The following KIF6 variants were observed in gnomAD, a reference collection of about 807,000 sequenced individuals.
The protein encoded by KIF6 is kinesin family member 6, also known as kinesin-like protein KIF6.
KIF6 carries 106 observed loss-of-function variants against 112.7 expected under a neutral mutation model. That is an observed-to-expected ratio of 0.94 (90% CI 0.80 to 1.11). KIF6 has a LOEUF of 1.11. Ranked by LOEUF, KIF6 falls within the 50% of genes least tolerant of loss-of-function variation. The probability of loss-of-function intolerance (pLI) is 0.00; values close to 1 mark genes in which losing one functional copy is unlikely to be tolerated. For synonymous variants in KIF6, 339 were observed against 339.9 expected (o/e 1.00, Z 0.03); for missense variants, 929 against 964.0 (o/e 0.96, Z 0.48).
chr6:39,457,999 A>G (rs9462552), intron 13 of KIF6, among the ~76,000 whole-genome samples: 40,952 of 147,402 alleles, frequency 0.28, 7,059 homozygotes, highest in African/African-American at 0.48. Context: ...GAAAAAGAGG[A>G]AATCCTCCCT....
At chr6:39,714,596 T>C (rs568493640) in intron 3 of KIF6, 96 bp downstream of exon 3, 13 of 773,248 alleles carry the variant, frequency 1.7e-5, no homozygotes, top group African/African-American at 3.5e-5. Flanking sequence ...CCTAAGTATA[T>C]AATTGATACA....
At chr6:39,400,523 T>C (rs766462242) in intron 15 of KIF6, among the ~76,000 whole-genome samples, 24 of 152,258 alleles carry the variant, frequency 1.6e-4, no homozygotes, top group Middle Eastern at 3.4e-3. Flanking sequence ...TTGGTCAGCA[T>C]TGGGAGGCCA....
intron 15 of KIF6, among the ~76,000 whole-genome samples, chr6:39,412,563 T>A (rs1018872191): frequency 9.2e-5 from 14 of 152,252 alleles, no homozygotes; most frequent in African/African-American, 3.4e-4. Context: ...CTTCTGTATA[T>A]CATCAAGTAA....
chr6:39,695,617 C>G (rs931960862), intron 3 of KIF6, among the ~76,000 whole-genome samples: 1 of 152,094 alleles, frequency 6.6e-6, no homozygotes, highest in Non-Finnish European at 1.5e-5. Flanking sequence ...TCACACCAGT[C>G]AGAATTGCTA....
intron 6 of KIF6, among the ~76,000 whole-genome samples, chr6:39,609,752 GT>G (rs369790205): frequency 6.6e-6 from 1 of 151,848 alleles, no homozygotes; most frequent in African/African-American, 2.4e-5. Context: ...GACCTGCTTG[GT>G]TTTTTTTGCC....
chr6:39,601,500 T>C (rs1249875671), intron 6 of KIF6, among the ~76,000 whole-genome samples: 1 of 152,138 alleles, frequency 6.6e-6, no homozygotes, highest in African/African-American at 2.4e-5. Flanking sequence ...TGCAACTGTT[T>C]ATCAAAATCC....
At chr6:39,419,461 T>A (rs1770186665) in intron 15 of KIF6, among the ~76,000 whole-genome samples, 3 of 151,594 alleles carry the variant, frequency 2.0e-5, no homozygotes. Context: ...GAGCCCTCCG[T>A]GGCAGCCTCC....
intron 15 of KIF6, among the ~76,000 whole-genome samples, chr6:39,414,298 C>T (rs1769737339): frequency 6.6e-6 from 1 of 152,116 alleles, no homozygotes; most frequent in Non-Finnish European, 1.5e-5. Context: ...TACGTTTATG[C>T]TTTGAATTCT....
intron 6 of KIF6, among the ~76,000 whole-genome samples, chr6:39,609,485 G>T (rs115029956): frequency 0.2 from 29,872 of 151,998 alleles, 3,117 homozygotes; most frequent in Admixed American, 0.29. Flanking sequence ...TCCTACAGCT[G>T]CCAGTACACA....
chr6:39,681,074 C>T (rs1377946950), intron 3 of KIF6, among the ~76,000 whole-genome samples: 2 of 151,758 alleles, frequency 1.3e-5, no homozygotes, highest in African/African-American at 4.8e-5. Context: ...TAATTCAATG[C>T]TGAGAAGTTG....
intron 10 of KIF6, among the ~76,000 whole-genome samples, chr6:39,551,743 A>G (rs565461937): frequency 1.3e-5 from 2 of 152,356 alleles, no homozygotes; most frequent in Admixed American, 1.3e-4. Context: ...TACACAATTT[A>G]AAAAATTGAC....
chr6:39,440,338 GA>G (rs1771840650), intron 13 of KIF6, among the ~76,000 whole-genome samples: 2 of 152,174 alleles, frequency 1.3e-5, no homozygotes, highest in Non-Finnish European at 2.9e-5. Context: ...GAACAGCTCT[GA>G]TACCACAGTA....
intron 21 of KIF6, among the ~76,000 whole-genome samples, chr6:39,345,151 T>C (rs1763604748): frequency 6.6e-6 from 1 of 152,214 alleles, no homozygotes; most frequent in African/African-American, 2.4e-5. Context: ...GTAAGGACGG[T>C]ATGTAACAAG....
rs367640567 is a variant in KIF6, at chr6:39,375,706, G to A, written c.1861+9916C>T. On this transcript the variant is annotated intron_variant, in intron 16 of 22. Coordinates refer to ENST00000287152, the MANE Select transcript of KIF6 (RefSeq NM_145027.6). The stretch of plus-strand genomic sequence containing the variant: ...ACTACAGCTAGACTTTCCTGGGCCC[G>A]CAGCTTGCAGATGGCAGATCATAGG... Among the ~76,000 whole-genome samples the A allele has an allele frequency of 6.6e-5, 10 of 152,262 alleles. No homozygotes were observed. The East Asian group carries it at 1.4e-3, about 21-fold the overall frequency.
chr6:39,679,703 C>A (rs1431204641), intron 3 of KIF6, among the ~76,000 whole-genome samples: 3 of 149,724 alleles, frequency 2.0e-5, no homozygotes, highest in African/African-American at 7.4e-5. Flanking sequence ...GTAACCTCCA[C>A]CTCCTGGGTT....
chr6:39,641,482 G>A (rs1032904038), intron 3 of KIF6, among the ~76,000 whole-genome samples: 2 of 152,024 alleles, frequency 1.3e-5, no homozygotes, highest in Admixed American at 6.6e-5. Flanking sequence ...ATCACACACC[G>A]GGGACTGTTG....
chr6:39,568,018 G>A (rs757827606), intron 10 of KIF6, among the ~76,000 whole-genome samples: 54 of 152,142 alleles, frequency 3.5e-4, no homozygotes, highest in Non-Finnish European at 6.3e-4. Flanking sequence ...GGGCCTGAGC[G>A]CCAGGCAGAG....
chr6:39,341,709 G>C (rs1045263255), intron 22 of KIF6, among the ~76,000 whole-genome samples: 6 of 152,228 alleles, frequency 3.9e-5, no homozygotes, highest in African/African-American at 1.2e-4. Context: ...TGCCTCTGAT[G>C]GTCATGCCTC....
chr6:39,441,443 GCAT>G (rs1388578366), intron 13 of KIF6, among the ~76,000 whole-genome samples: 3 of 152,194 alleles, frequency 2.0e-5, no homozygotes, highest in Admixed American at 2.0e-4. Flanking sequence ...CTGGAGAGCA[GCAT>G]CATGCCCTAG....
Sources: allele counts gnomAD v4.1 joint callset (sites outside exome capture counted in the v4.1 genomes callset), GRCh38; gene constraint gnomAD v4.1.1; transcripts MANE v1.5; gene names NCBI Gene and HGNC (gene_info 2026-07-23, HGNC 2026-07-21).